Variants in EIF5B observed in about 807,000 individuals in gnomAD.
EIF5B encodes eukaryotic translation initiation factor 5B, also known as eIF-5B.
EIF5B carries 47 observed loss-of-function variants against 147.5 expected under a neutral mutation model. That is an observed-to-expected ratio of 0.32 (90% confidence interval 0.25 to 0.41). EIF5B has a LOEUF of 0.41. Among genes scored for constraint, EIF5B ranks in the 10% least tolerant of loss-of-function variants. EIF5B has a pLI of 1.00. For synonymous variants in EIF5B, 455 were observed against 456.2 expected (o/e 1.00, Z 0.03); for missense variants, 1,064 against 1,413.2 (o/e 0.75, Z 3.96).
intron 1 of EIF5B, among the ~76,000 whole-genome samples, chr2:99,338,846 T>C (rs2094250860): frequency 6.6e-6 from 1 of 151,354 alleles, no homozygotes; most frequent in South Asian, 2.1e-4. Flanking sequence ...AATGAGCCTT[T>C]ATGTATTAAT....
intron 8 of EIF5B, among the ~76,000 whole-genome samples, chr2:99,370,473 C>T (rs1242139223): frequency 1.3e-5 from 2 of 152,108 alleles, no homozygotes; most frequent in East Asian, 1.9e-4. Flanking sequence ...CTCTTCTGAG[C>T]GAATAGGATC....
chr2:99,398,524 G>A, intron 22 of EIF5B: 1 of 407,452 alleles, frequency 2.5e-6, no homozygotes, highest in East Asian at 4.3e-5. Flanking sequence ...GTTTTGCAAA[G>A]CACATTATCT....
intron 1 of EIF5B, among the ~76,000 whole-genome samples, chr2:99,350,406 G>A (rs541390735): frequency 2.9e-4 from 44 of 152,114 alleles, no homozygotes; most frequent in Admixed American, 1.2e-3. Flanking sequence ...TCCCCCCACA[G>A]TATATAATAG....
chr2:99,368,018 T>C (rs1674366394), intron 6 of EIF5B, among the ~76,000 whole-genome samples: 1 of 152,230 alleles, frequency 6.6e-6, no homozygotes, highest in Admixed American at 6.5e-5. Flanking sequence ...ATCCATACAA[T>C]GGAATGCTGC....
intron 6 of EIF5B, among the ~76,000 whole-genome samples, chr2:99,366,360 A>G (rs1245336136): frequency 6.6e-6 from 1 of 152,122 alleles, no homozygotes; most frequent in Non-Finnish European, 1.5e-5. Context: ...CATGCTTTTC[A>G]TCTTAGTAGG....
intron 1 of EIF5B, among the ~76,000 whole-genome samples, chr2:99,342,299 C>A (rs758622866): frequency 1.8e-4 from 28 of 151,750 alleles, no homozygotes; most frequent in South Asian, 4.2e-4. Flanking sequence ...AATTGGGAGT[C>A]CATTAAGTTT....
intron 6 of EIF5B, 50 bp downstream of exon 6, chr2:99,364,471 A>G (rs370075054): frequency 1.4e-6 from 2 of 1,479,118 alleles, no homozygotes; most frequent in Non-Finnish European, 1.8e-6. Flanking sequence ...CTGCACATGC[A>G]GTTATATCCC....
In EIF5B at chr2:99,351,881, G is replaced by C. The variant is rs1030355582; in HGVS notation, c.36-8355G>C. Among the ~76,000 whole-genome samples, 5 of 152,016 alleles carry C rather than the reference G, an allele frequency of 3.3e-5. No homozygotes were observed. In the East Asian group the frequency reaches 9.7e-4, roughly 30 times the overall value. On this transcript the variant is annotated intron_variant, in intron 1 of 23. Coordinates refer to ENST00000289371, the MANE Select transcript of EIF5B (RefSeq NM_015904.4). ...CCCAGCTACTTTTTTTGTATTTTTAGTAGGGACGGGATTTCACCTTGTTGG... is the reference window on the plus strand; with the variant it reads ...CCCAGCTACTTTTTTTGTATTTTTACTAGGGACGGGATTTCACCTTGTTGG...
chr2:99,374,426 C>T (rs1054720256), intron 9 of EIF5B, among the ~76,000 whole-genome samples: 3 of 151,704 alleles, frequency 2.0e-5, no homozygotes, highest in African/African-American at 7.3e-5. Context: ...CATTTTGTTG[C>T]GCTTCGTTTC....
chr2:99,374,425 G>A (rs1674522493), intron 9 of EIF5B, among the ~76,000 whole-genome samples: 1 of 150,434 alleles, frequency 6.6e-6, no homozygotes, highest in African/African-American at 2.5e-5. Context: ...ACATTTTGTT[G>A]CGCTTCGTTT....
At chr2:99,368,375 T>C (rs183298184) in intron 6 of EIF5B, 118 bp from the exon 7 acceptor site, 5 of 734,990 alleles carry the variant, frequency 6.8e-6, no homozygotes, top group Non-Finnish European at 2.3e-6. Flanking sequence ...TCCATGAATA[T>C]CCTTTCATAT....
rs982321596 is a variant in EIF5B at position 99,337,413 on chromosome 2, G to C, written c.-142G>C. ...CACACCATATGTGTCCTGTTCCAGT[G>C]CGCGGGTCTGTGGAGAGCCGGGTGC... On this transcript the variant is annotated 5_prime_UTR_variant, in exon 1 of 24. Transcript: ENST00000289371. 3 of 1,011,832 alleles carry C rather than the reference G, an allele frequency of 3.0e-6. No individual in the cohort carries two copies. The highest frequency in any genetic ancestry group is 3.0e-6 in the Non-Finnish European group (2 of 658,466). 62.7% of individuals were successfully genotyped at this position (1,011,832 alleles called of 1,614,324 possible). A position where few individuals can be genotyped will look rare whatever the true frequency, so the allele number is the denominator to read the frequency against.
chr2:99,349,480 AT>A (rs1673860877), intron 1 of EIF5B, among the ~76,000 whole-genome samples: 1 of 152,178 alleles, frequency 6.6e-6, no homozygotes, highest in Admixed American at 6.5e-5. Flanking sequence ...GCAGTGAACA[AT>A]TTTTTGTAAT....
intron 14 of EIF5B, among the ~76,000 whole-genome samples, chr2:99,385,498 CAA>C (rs1477305217): frequency 1.3e-5 from 2 of 152,166 alleles, no homozygotes; most frequent in Non-Finnish European, 2.9e-5. Flanking sequence ...CCTCTACCAG[CAA>C]AAAGATTATG....
At chr2:99,345,389 T>C (rs12987818) in intron 1 of EIF5B, among the ~76,000 whole-genome samples, 1 of 152,158 alleles carries the variant, frequency 6.6e-6, no homozygotes, top group South Asian at 2.1e-4. Context: ...GCGTAGGAGT[T>C]GGAGACCAGC....
intron 1 of EIF5B, among the ~76,000 whole-genome samples, chr2:99,340,344 T>A (rs1394630769): frequency 6.6e-6 from 1 of 152,222 alleles, no homozygotes; most frequent in East Asian, 1.9e-4. Flanking sequence ...TTAGGATTAG[T>A]ATTCTTGTTT....
At chr2:99,340,478 T>C (rs2094257132) in intron 1 of EIF5B, among the ~76,000 whole-genome samples, 1 of 152,222 alleles carries the variant, frequency 6.6e-6, no homozygotes. Context: ...AGGTGTGAAC[T>C]GTGTGAGAAA....
At chr2:99,341,063 C>T (rs2094258458) in intron 1 of EIF5B, among the ~76,000 whole-genome samples, 1 of 152,150 alleles carries the variant, frequency 6.6e-6, no homozygotes, top group Non-Finnish European at 1.5e-5. Flanking sequence ...CACGCTCAGC[C>T]CCAGTTTGTG....
intron 5 of EIF5B, 40 bp from the exon 6 acceptor site, chr2:99,364,231 A>G (rs1674280217): frequency 6.5e-7 from 1 of 1,531,182 alleles, no homozygotes; most frequent in African/African-American, 1.4e-5. Flanking sequence ...ATAGTTCATT[A>G]AATGAATACA....
Sources: gnomAD v4.1 joint callset for allele counts (sites outside exome capture counted in the v4.1 genomes callset) on GRCh38, gnomAD v4.1.1 for gene constraint, MANE v1.5 for transcripts, NCBI Gene and HGNC (gene_info 2026-07-23, HGNC 2026-07-21) for gene names.